The following GABRR3 variants were observed in gnomAD, a reference collection of about 807,000 sequenced individuals.
GABRR3 encodes gamma-aminobutyric acid type A receptor subunit rho3.
Under a neutral mutation model 43.2 loss-of-function variants are expected in GABRR3, and 29 were observed. The observed-to-expected ratio is 0.67, with a 90% CI of 0.50 to 0.92. The LOEUF is 0.92. GABRR3 is among the 40% of genes least tolerant of loss of function. The pLI is 0.00. For missense variants in GABRR3, 576 were observed against 572.3 expected, an observed-to-expected ratio of 1.01 and a Z score of -0.07; for synonymous variants, 206 against 195.9, an observed-to-expected ratio of 1.05 and a Z score of -0.43.
At chr3:98,021,296 A>G (rs1054057932) in intron 3 of GABRR3, among the ~76,000 whole-genome samples, 1 of 152,182 alleles carries the variant, frequency 6.6e-6, no homozygotes, top group Non-Finnish European at 1.5e-5. Flanking sequence ...ACGCAGAATC[A>G]GAGTTTGGGA....
intron 2 of GABRR3, among the ~76,000 whole-genome samples, chr3:98,029,150 G>C (rs562500655): frequency 1.3e-5 from 2 of 152,254 alleles, no homozygotes; most frequent in South Asian, 4.1e-4. Flanking sequence ...ATCTCAATTC[G>C]TGGGAGAGCC....
intron 8 of GABRR3, among the ~76,000 whole-genome samples, chr3:97,995,228 T>A (rs1706520504): frequency 6.6e-6 from 1 of 152,066 alleles, no homozygotes; most frequent in Non-Finnish European, 1.5e-5. Context: ...CTGCCCCCCT[T>A]GGCCTCCCAA....
rs1195062436 is a variant in GABRR3 at position 98,019,311 on chromosome 3, AC to A, written c.239-1590del. ...CCTTTAAATGCATAATACTATAGAA[AC>A]CCAAGGTATGTCTTGCCAGTCCTGT... On this transcript the variant is annotated intron_variant, in intron 3 of 9. Coordinates refer to ENST00000621172, the Ensembl canonical transcript of GABRR3. Among the ~76,000 whole-genome samples, 3 of 152,052 alleles carry A rather than the reference AC, an allele frequency of 2.0e-5. No individual in the cohort carries two copies. In the East Asian group the frequency reaches 5.8e-4, roughly 29 times the overall value.
At chr3:98,001,566 T>C in intron 8 of GABRR3, 49 bp downstream of exon 8, 1 of 1,602,330 alleles carries the variant, frequency 6.2e-7, no homozygotes. Flanking sequence ...TTTACCTCCC[T>C]TGAACTTTCT....
intron 5 of GABRR3, among the ~76,000 whole-genome samples, chr3:98,010,541 C>G (rs1329978135): frequency 1.3e-5 from 2 of 152,074 alleles, no homozygotes; most frequent in Admixed American, 6.6e-5. Flanking sequence ...GCTTGGCCCC[C>G]GGACCCAAAG....
At chr3:98,030,145 CT>C (rs1376686944) in intron 2 of GABRR3, among the ~76,000 whole-genome samples, 22 of 151,232 alleles carry the variant, frequency 1.5e-4, no homozygotes, top group Admixed American at 5.3e-4. Flanking sequence ...TGATTAAATC[CT>C]TTTCATTTTG....
intron 7 of GABRR3, among the ~76,000 whole-genome samples, chr3:98,005,363 T>C (rs947799003): frequency 1.3e-5 from 2 of 152,170 alleles, no homozygotes; most frequent in Non-Finnish European, 2.9e-5. Flanking sequence ...TAAAGAATAT[T>C]AATGTATTAT....
At chr3:98,034,891 G>A (rs781412057) in exon 2 of GABRR3, 4 of 1,613,064 alleles carry the variant, frequency 2.5e-6, no homozygotes, top group Admixed American at 1.7e-5. Context: ...GAGGAGCACC[G>A]CTGGTGTGTC....
Position 97,998,019 on chromosome 3 carries a change from CAA to C in GABRR3, c.907+3594_907+3595del, listed in dbSNP as rs1328400751. 2.0e-5 allele frequency: 3 copies of C among 151,474 alleles called. No homozygotes were observed. In the East Asian group the frequency reaches 5.8e-4, roughly 29 times the overall value. 9.4% of individuals were successfully genotyped at this position (151,474 alleles called of 1,614,324 possible). On this transcript the variant is annotated intron_variant, in intron 8 of 9. Coordinates refer to ENST00000621172, the Ensembl canonical transcript of GABRR3. ...TATATCTCCACTACTAGAAATGATG[CAA>C]AGATGAAATACATAGCATAGCCAAT...
chr3:98,023,308 G>C (rs957858312), intron 3 of GABRR3, among the ~76,000 whole-genome samples: 6 of 152,170 alleles, frequency 3.9e-5, no homozygotes, highest in Non-Finnish European at 8.8e-5. Flanking sequence ...GTTTAACTGA[G>C]AAATCTAACC....
At chr3:98,031,641 G>T (rs963726060) in intron 2 of GABRR3, among the ~76,000 whole-genome samples, 3 of 152,108 alleles carry the variant, frequency 2.0e-5, no homozygotes, top group Non-Finnish European at 4.4e-5. Context: ...TACTTGGGAG[G>T]TTGAGGTGGG....
At chr3:97,992,817 C>T in intron 9 of GABRR3, 35 bp downstream of exon 9, 1 of 1,552,476 alleles carries the variant, frequency 6.4e-7, no homozygotes, top group Non-Finnish European at 8.7e-7. Flanking sequence ...TTTCCACATT[C>T]CCCAAGGGAT....
intron 4 of GABRR3, among the ~76,000 whole-genome samples, chr3:98,016,268 C>A (rs953366587): frequency 2.0e-5 from 3 of 152,164 alleles, no homozygotes. Flanking sequence ...TTGGAGCCAT[C>A]TTCTTAGTAA....
chr3:98,021,714 T>A (rs937202311), intron 3 of GABRR3, among the ~76,000 whole-genome samples: 6 of 152,228 alleles, frequency 3.9e-5, no homozygotes, highest in African/African-American at 1.4e-4. Context: ...ATTACGATGA[T>A]TGTGTTGATT....
exon 9 of GABRR3, chr3:97,992,890 T>G: frequency 6.2e-7 from 1 of 1,612,938 alleles, no homozygotes. Context: ...TCTTCCACTG[T>G]GGTGAGGTAG....
At chr3:98,024,403 C>A (rs1365110243) in intron 3 of GABRR3, among the ~76,000 whole-genome samples, 17 of 146,466 alleles carry the variant, frequency 1.2e-4, no homozygotes, top group African/African-American at 4.0e-4. Flanking sequence ...ACAGGAACCA[C>A]ATGGATTTCA....
chr3:98,012,978 T>A (rs150474946), intron 4 of GABRR3, among the ~76,000 whole-genome samples: 48 of 152,358 alleles, frequency 3.2e-4, no homozygotes, highest in Non-Finnish European at 5.3e-4. Context: ...GATTTTGTAT[T>A]GATACTCATG....
At chr3:98,017,838 T>A (rs1576046556) in intron 3 of GABRR3, 116 bp from the exon 4 acceptor site, 1 of 668,626 alleles carries the variant, frequency 1.5e-6, no homozygotes, top group East Asian at 2.9e-5. Flanking sequence ...TAAAGTTTTT[T>A]TAAACAACAA....
intron 9 of GABRR3, among the ~76,000 whole-genome samples, chr3:97,988,878 T>C (rs948500576): frequency 7.0e-6 from 1 of 143,098 alleles, no homozygotes; most frequent in Non-Finnish European, 1.5e-5. Flanking sequence ...AGGTGGTGAA[T>C]GGTGGTAGTG....
Sources: gnomAD v4.1 joint callset for allele counts (sites outside exome capture counted in the v4.1 genomes callset) on GRCh38, gnomAD v4.1.1 for gene constraint, MANE v1.5 for transcripts, NCBI Gene and HGNC (gene_info 2026-07-23, HGNC 2026-07-21) for gene names.